Variants in DAB1 observed in about 807,000 individuals in gnomAD.
DAB1 encodes disabled homolog 1.
A neutral mutation model predicts 64.6 loss-of-function variants in DAB1; 15 were observed. That is an observed-to-expected ratio of 0.23 (90% CI 0.16 to 0.36). The LOEUF is 0.36. Ranked by LOEUF, DAB1 falls within the 10% of genes least tolerant of loss-of-function variation. The probability of loss-of-function intolerance (pLI) is 1.00; values close to 1 mark genes in which losing one functional copy is unlikely to be tolerated. For missense variants in DAB1, 596 were observed against 706.7 expected (o/e 0.84, Z 1.78); for synonymous variants, 235 against 251.9 (o/e 0.93, Z 0.64).
At chr1:58,059,884 C>A (rs1346197098) in intron 5 of DAB1, among the ~76,000 whole-genome samples, 1 of 152,204 alleles carries the variant, frequency 6.6e-6, no homozygotes, top group East Asian at 1.9e-4. Flanking sequence ...CAGTCTGACT[C>A]CAGAGGCTAC....
chr1:57,899,819 C>T (rs544359555), intron 5 of DAB1, among the ~76,000 whole-genome samples: 1 of 152,116 alleles, frequency 6.6e-6, no homozygotes, highest in Non-Finnish European at 1.5e-5. Flanking sequence ...ACGTTTACCT[C>T]GGAATGCACC....
At chr1:58,340,527 G>A (rs899710489) in intron 4 of DAB1, among the ~76,000 whole-genome samples, 1 of 152,186 alleles carries the variant, frequency 6.6e-6, no homozygotes, top group Admixed American at 6.5e-5. Flanking sequence ...AAACTCATGA[G>A]GGACTGCCAC....
intron 7 of DAB1, among the ~76,000 whole-genome samples, chr1:57,488,998 G>C (rs1644128329): frequency 6.6e-6 from 1 of 152,048 alleles, no homozygotes; most frequent in Admixed American, 6.6e-5. Context: ...TAAAAACAAG[G>C]GCACATCGAT....
At chr1:57,015,467 T>C (rs769154064) in intron 11 of DAB1, 36 bp from the exon 12 acceptor site, 3 of 1,549,560 alleles carry the variant, frequency 1.9e-6, no homozygotes, top group Non-Finnish European at 2.6e-6. Context: ...GGTGTTTCCC[T>C]GGTGTCCTGG....
chr1:57,604,017 C>A (rs1645605745), intron 7 of DAB1, among the ~76,000 whole-genome samples: 1 of 152,218 alleles, frequency 6.6e-6, no homozygotes. Flanking sequence ...TCAGCACATG[C>A]TGGCGTTTCC....
chr1:57,026,855 G>C (rs1291597246), intron 9 of DAB1, among the ~76,000 whole-genome samples: 1 of 152,186 alleles, frequency 6.6e-6, no homozygotes, highest in African/African-American at 2.4e-5. Flanking sequence ...GATACACTTA[G>C]AAATTAATCT....
At chr1:58,458,842 A>C (rs1645216726) in intron 3 of DAB1, among the ~76,000 whole-genome samples, 1 of 151,800 alleles carries the variant, frequency 6.6e-6, no homozygotes, top group Non-Finnish European at 1.5e-5. Context: ...AAAAAAAAAA[A>C]CGGTTTGCAG....
chr1:57,062,967 C>T (rs142334445), intron 8 of DAB1, 24 bp from the exon 9 acceptor site: 33 of 1,604,588 alleles, frequency 2.1e-5, no homozygotes, highest in Non-Finnish European at 2.8e-5. Flanking sequence ...AAATTCAGCA[C>T]AGTCAAAACA....
At chr1:57,201,816 G>C (rs1402552045) in intron 2 of DAB1, among the ~76,000 whole-genome samples, 1 of 152,088 alleles carries the variant, frequency 6.6e-6, no homozygotes, top group African/African-American at 2.4e-5. Context: ...CCAGAGCCTA[G>C]CACAGAGCCT....
intron 6 of DAB1, among the ~76,000 whole-genome samples, chr1:57,804,014 C>G (rs1456936684): frequency 2.0e-5 from 3 of 152,118 alleles, no homozygotes; most frequent in Non-Finnish European, 4.4e-5. Context: ...TGAGCTGAGT[C>G]AAAATGTAAA....
intron 4 of DAB1, among the ~76,000 whole-genome samples, chr1:58,278,190 T>C (rs1344530346): frequency 6.6e-6 from 1 of 152,216 alleles, no homozygotes; most frequent in Non-Finnish European, 1.5e-5. Flanking sequence ...GCTGTTCTCA[T>C]GATAGCGAGC....
intron 5 of DAB1, chr1:58,077,973 C>T (rs926538011): frequency 5.9e-5 from 9 of 152,222 alleles, no homozygotes; most frequent in African/African-American, 1.9e-4. Flanking sequence ...TAATAATTCA[C>T]TTTGTCTTTC....
chr1:58,318,913 G>A (rs1178095625), intron 4 of DAB1, among the ~76,000 whole-genome samples: 2 of 152,188 alleles, frequency 1.3e-5, no homozygotes, highest in Non-Finnish European at 2.9e-5. Flanking sequence ...TTTCCATGGT[G>A]ATAACATTGG....
chr1:58,346,073 C>T (rs970148409), intron 3 of DAB1, among the ~76,000 whole-genome samples: 34 of 152,232 alleles, frequency 2.2e-4, no homozygotes, highest in African/African-American at 8.0e-4. Context: ...GACCCTCCTC[C>T]AAGCCCTTTG....
rs543746493 is a variant in DAB1 at position 57,906,937 on chromosome 1, C to T, written n.388-22775G>A. Among the ~76,000 whole-genome samples, 340 of 146,854 alleles carry T rather than the reference C, an allele frequency of 2.3e-3. 1 individual carries two copies. The highest frequency in any genetic ancestry group is 5.9e-3 in the African/African-American group (233 of 39,416). On this transcript the variant is annotated intron_variant and non_coding_transcript_variant, in intron 5 of 20. Coordinates refer to the DAB1 transcript ENST00000485760. Reference sequence around the variant, plus strand: ...CATATAAAAATAAGAATATAATATGCAGATAGATAGATAGATAGATAGATA... The same window carrying T: ...CATATAAAAATAAGAATATAATATGTAGATAGATAGATAGATAGATAGATA...
rs912374367 is a variant in DAB1 at position 57,843,109 on chromosome 1, G to T, written n.88-16654C>A. Among the ~76,000 whole-genome samples, 19 of 152,174 alleles carry T rather than the reference G, an allele frequency of 1.2e-4. No individual in the cohort carries two copies. In the East Asian group the frequency reaches 3.3e-3, roughly 26 times the overall value. ...AAAAGATAAACATTTAAAACTCAAA[G>T]TGTGGTTTCTACTGAATGTGTATCA... On this transcript the variant is annotated intron_variant and non_coding_transcript_variant, in intron 1 of 1. Coordinates refer to the DAB1 transcript ENST00000477280.
intron 3 of DAB1, among the ~76,000 whole-genome samples, chr1:58,466,625 GC>G (rs1365490337): frequency 1.3e-5 from 2 of 152,120 alleles, no homozygotes; most frequent in Admixed American, 1.3e-4. Flanking sequence ...CAGAGAGGCT[GC>G]CGTTTCTTGA....
intron 1 of DAB1, among the ~76,000 whole-genome samples, chr1:57,848,709 T>C (rs1218201687): frequency 1.3e-5 from 2 of 152,170 alleles, no homozygotes; most frequent in African/African-American, 4.8e-5. Flanking sequence ...TAACCTAAGG[T>C]TGAAGAAACC....
At chr1:57,973,585 C>T (rs987608004) in intron 5 of DAB1, among the ~76,000 whole-genome samples, 1 of 152,134 alleles carries the variant, frequency 6.6e-6, no homozygotes, top group Non-Finnish European at 1.5e-5. Context: ...GAAAATGATA[C>T]TTCTTATACA....
Sources: gnomAD v4.1 joint callset for allele counts (sites outside exome capture counted in the v4.1 genomes callset) on GRCh38, gnomAD v4.1.1 for gene constraint, MANE v1.5 for transcripts, NCBI Gene and HGNC (gene_info 2026-07-23, HGNC 2026-07-21) for gene names.